Variants in CACHD1 observed in about 807,000 individuals in gnomAD.
CACHD1 encodes VWFA and cache domain-containing protein 1.
In CACHD1, 71 loss-of-function variants were observed where a neutral mutation model predicts 138.7. The ratio of observed to expected loss-of-function variants is 0.51; its 90% CI spans 0.42 to 0.62. The LOEUF (loss-of-function observed/expected upper bound fraction) is 0.62. Ranked by LOEUF, CACHD1 falls within the 20% of genes least tolerant of loss-of-function variation. The pLI, the probability that CACHD1 is intolerant of heterozygous loss-of-function variation, is 0.00. For synonymous variants in CACHD1, 578 were observed against 591.5 expected, an observed-to-expected ratio of 0.98 and a Z score of 0.33; for missense variants, 1,389 against 1,625.3, an observed-to-expected ratio of 0.85 and a Z score of 2.50.
chr1:64,485,857 T>C (rs1368584870), intron 1 of CACHD1, among the ~76,000 whole-genome samples: 1 of 152,202 alleles, frequency 6.6e-6, no homozygotes, highest in Non-Finnish European at 1.5e-5. Flanking sequence ...AGTTTTGGGT[T>C]GAATGTAAGT....
chr1:64,548,725 C>T (rs780623310), intron 1 of CACHD1, among the ~76,000 whole-genome samples: 1 of 152,202 alleles, frequency 6.6e-6, no homozygotes, highest in African/African-American at 2.4e-5. Flanking sequence ...TTAACAAGGA[C>T]TATACATACA....
chr1:64,675,044 C>G (rs1649939736), intron 19 of CACHD1, among the ~76,000 whole-genome samples: 2 of 152,090 alleles, frequency 1.3e-5, no homozygotes, highest in African/African-American at 4.8e-5. Context: ...TAAACTATTC[C>G]TTCCCTGAAA....
intron 1 of CACHD1, among the ~76,000 whole-genome samples, chr1:64,482,311 C>T (rs553225159): frequency 3.5e-4 from 54 of 152,114 alleles, no homozygotes; most frequent in Non-Finnish European, 6.8e-4. Context: ...CTTCTTTGTT[C>T]TAACACAATC....
chr1:64,674,478 G>A (rs962618725), intron 19 of CACHD1, among the ~76,000 whole-genome samples: 1 of 152,138 alleles, frequency 6.6e-6, no homozygotes, highest in Non-Finnish European at 1.5e-5. Flanking sequence ...AGGCAAATTC[G>A]AATAATTTAT....
intron 1 of CACHD1, among the ~76,000 whole-genome samples, chr1:64,524,842 C>T (rs1646524578): frequency 6.6e-6 from 1 of 152,148 alleles, no homozygotes; most frequent in Non-Finnish European, 1.5e-5. Flanking sequence ...TGGCCCTTTC[C>T]TTACTGCTTT....
intron 16 of CACHD1, among the ~76,000 whole-genome samples, chr1:64,667,090 G>A (rs960373656): frequency 2.0e-5 from 3 of 152,088 alleles, no homozygotes; most frequent in Non-Finnish European, 2.9e-5. Context: ...TATGCTTCCT[G>A]CTTTTAAGGT....
At chr1:64,651,802 G>C (rs889938256) in intron 9 of CACHD1, among the ~76,000 whole-genome samples, 1 of 152,208 alleles carries the variant, frequency 6.6e-6, no homozygotes, top group Non-Finnish European at 1.5e-5. Flanking sequence ...TTCAAGTTCA[G>C]CTGAATCTAA....
chr1:64,528,441 G>A (rs1248626566), intron 1 of CACHD1, among the ~76,000 whole-genome samples: 1 of 152,060 alleles, frequency 6.6e-6, no homozygotes, highest in Non-Finnish European at 1.5e-5. Context: ...TCTGCCTAGG[G>A]AATCTTAATT....
chr1:64,504,131 C>T (rs945765698), intron 1 of CACHD1, among the ~76,000 whole-genome samples: 5 of 152,164 alleles, frequency 3.3e-5, no homozygotes, highest in Non-Finnish European at 4.4e-5. Flanking sequence ...TGGGCTCTAG[C>T]GATCCTCCCA....
intron 1 of CACHD1, among the ~76,000 whole-genome samples, chr1:64,530,681 G>A (rs1158000034): frequency 1.3e-5 from 2 of 151,968 alleles, no homozygotes; most frequent in African/African-American, 2.4e-5. Context: ...GACCAGCCTG[G>A]CCAACATGGT....
At position 64,626,758 on chromosome 1, in the gene CACHD1, C is replaced by G. The variant is rs371535887; in HGVS notation, c.518-2597C>G. On this transcript the variant is annotated intron_variant, in intron 4 of 26. Coordinates refer to ENST00000651257, the MANE Select transcript of CACHD1 (RefSeq NM_020925.4). ...ATGCCTAGAGGGTCACAGGCATTCA[C>G]TCAGCACTTGTTCCCAACACCATCT... 8.5e-5 allele frequency among the ~76,000 whole-genome samples: 13 copies of G among 152,320 alleles called. 1 individual carries two copies. The highest frequency in any genetic ancestry group is 5.2e-4 in the Admixed American group (8 of 15,302).
chr1:64,515,813 G>C (rs757667158), intron 1 of CACHD1, among the ~76,000 whole-genome samples: 50 of 152,168 alleles, frequency 3.3e-4, no homozygotes, highest in Non-Finnish European at 4.6e-4. Context: ...TACGATTATA[G>C]AAAGGTGGCT....
chr1:64,678,307 A>G lies in CACHD1; in HGVS notation c.3241A>G (p.Ile1081Val). 6.4e-7 allele frequency: 1 copy of G among 1,567,436 alleles called. No homozygotes were observed. The change falls in exon 23 of 27, where the codon ATA (isoleucine) becomes GTA (valine). Residue 1081 changes from isoleucine (I) to valine (V), a missense_variant. This residue lies in a region of CACHD1 where 250 missense variants were observed against 292.9 expected (regional missense o/e 0.85). Transcript: ENST00000651257. ...KSPYVDDMGA[I>V]GDEVITLNMI... is the part of the protein sequence containing the mutation. ...TCCCTACGTTGATGACATGGGAGCA[A>G]TAGGTATGTTTGTTAGATGCCCCAA...
intron 1 of CACHD1, among the ~76,000 whole-genome samples, chr1:64,485,458 C>G (rs935363937): frequency 6.6e-6 from 1 of 152,248 alleles, no homozygotes; most frequent in African/African-American, 2.4e-5. Flanking sequence ...ATTTGAGATT[C>G]ATCCATGTTG....
chr1:64,497,985 G>A (rs908773722), intron 1 of CACHD1, among the ~76,000 whole-genome samples: 4 of 152,156 alleles, frequency 2.6e-5, no homozygotes, highest in African/African-American at 7.2e-5. Context: ...AAATTAGCTG[G>A]GCGTGGTGGT....
chr1:64,550,781 C>T (rs1229228747), intron 2 of CACHD1, 125 bp downstream of exon 2: 5 of 626,330 alleles, frequency 8.0e-6, no homozygotes, highest in Non-Finnish European at 1.4e-5. Context: ...ATTTCACGTG[C>T]ATCTCATGCA....
At chr1:64,588,689 T>A (rs903196824) in intron 3 of CACHD1, among the ~76,000 whole-genome samples, 1 of 152,190 alleles carries the variant, frequency 6.6e-6, no homozygotes, top group Non-Finnish European at 1.5e-5. Context: ...AGATCAATAC[T>A]TTTATTGTCC....
chr1:64,686,387 T>C (rs1264529130), intron 26 of CACHD1, among the ~76,000 whole-genome samples: 1 of 152,222 alleles, frequency 6.6e-6, no homozygotes, highest in Non-Finnish European at 1.5e-5. Context: ...TTAGAAATAT[T>C]TTATGTGGCC....
intron 13 of CACHD1, among the ~76,000 whole-genome samples, chr1:64,660,301 C>T (rs565282230): frequency 6.6e-6 from 1 of 152,170 alleles, no homozygotes; most frequent in South Asian, 2.1e-4. Flanking sequence ...ATTTCCTTTG[C>T]ATATCTCCCA....
Sources: allele counts gnomAD v4.1 joint callset (sites outside exome capture counted in the v4.1 genomes callset), GRCh38; gene constraint gnomAD v4.1.1; regional missense constraint gnomAD v4.1.1; transcripts MANE v1.5; gene names NCBI Gene and HGNC (gene_info 2026-07-23, HGNC 2026-07-21).